The following STK3 variants were observed in gnomAD, a reference collection of about 807,000 sequenced individuals.
The protein encoded by STK3 is serine/threonine-protein kinase 3.
Under a neutral mutation model 58.0 loss-of-function variants are expected in STK3, and 41 were observed. The observed-to-expected ratio is 0.71, with a 90% CI of 0.55 to 0.92. The LOEUF is 0.92. Among genes scored for constraint, STK3 ranks in the 40% least tolerant of loss-of-function variants. STK3 has a pLI of 0.00. For synonymous variants in STK3, 170 were observed against 191.0 expected, an observed-to-expected ratio of 0.89 and a Z score of 0.91; for missense variants, 479 against 602.7, an observed-to-expected ratio of 0.79 and a Z score of 2.15.
intron 6 of STK3, among the ~76,000 whole-genome samples, chr8:98,621,148 G>C (rs1408696436): frequency 6.6e-6 from 1 of 152,090 alleles, no homozygotes; most frequent in Admixed American, 6.5e-5. Context: ...CACCGTTTTA[G>C]CCGGGATGGT....
At chr8:98,895,148 G>A (rs998760104) in intron 1 of STK3, among the ~76,000 whole-genome samples, 1 of 151,600 alleles carries the variant, frequency 6.6e-6, no homozygotes, top group Non-Finnish European at 1.5e-5. Context: ...CCCTGTGCCA[G>A]GTAAAGGGCC....
intron 1 of STK3, chr8:98,905,200 C>T (rs1266910263): frequency 2.0e-6 from 2 of 990,692 alleles, no homozygotes; most frequent in African/African-American, 1.6e-5. Flanking sequence ...TCTCCCATTC[C>T]AGGGGCAGTC....
At chr8:98,429,426 G>T (rs1818296500) in intron 3 of STK3, 3 of 1,565,926 alleles carry the variant, frequency 1.9e-6, no homozygotes, top group South Asian at 1.1e-5. Context: ...GGGAGGACTT[G>T]TCACCCTCCA....
At chr8:98,848,998 A>C (rs998923329) in intron 3 of STK3, among the ~76,000 whole-genome samples, 5 of 152,096 alleles carry the variant, frequency 3.3e-5, no homozygotes, top group African/African-American at 9.7e-5. Flanking sequence ...AGGCCGAGAC[A>C]GGCAGATCAC....
Position 98,908,908 on chromosome 8 carries a change from C to T in STK3, c.-78-25074G>A, listed in dbSNP as rs77290452. Among the ~76,000 whole-genome samples, 18 of 149,588 alleles carry T rather than the reference C, an allele frequency of 1.2e-4. No individual in the cohort carries two copies. In the East Asian group the frequency reaches 3.3e-3, roughly 28 times the overall value. ...AGGTGGCTCATGTCTGTAATCCCAGCACTTTGGGAGGCCGAAGTGGGCAGA... is the reference window on the plus strand; with the variant it reads ...AGGTGGCTCATGTCTGTAATCCCAGTACTTTGGGAGGCCGAAGTGGGCAGA... On this transcript the variant is annotated intron_variant, in intron 1 of 1. Coordinates refer to the STK3 transcript ENST00000519420.
At chr8:98,656,125 C>T (rs1272686457) in intron 6 of STK3, among the ~76,000 whole-genome samples, 69 of 152,218 alleles carry the variant, frequency 4.5e-4, no homozygotes, top group Non-Finnish European at 2.9e-4. Flanking sequence ...GAAAATGTGG[C>T]ACATATACAC....
At chr8:98,678,590 A>G (rs559724738) in intron 6 of STK3, among the ~76,000 whole-genome samples, 36 of 152,288 alleles carry the variant, frequency 2.4e-4, no homozygotes, top group Admixed American at 2.1e-3. Flanking sequence ...CAATTTTTAA[A>G]GTATTTTAAG....
chr8:98,890,780 G>A (rs1564085206), intron 1 of STK3, among the ~76,000 whole-genome samples: 1 of 152,134 alleles, frequency 6.6e-6, no homozygotes, highest in African/African-American at 2.4e-5. Context: ...AACCCTTTAG[G>A]AGTTTAGGCC....
intron 1 of STK3, among the ~76,000 whole-genome samples, chr8:98,924,351 C>T (rs1414137229): frequency 6.6e-6 from 1 of 152,176 alleles, no homozygotes; most frequent in East Asian, 1.9e-4. Flanking sequence ...TATATAAAGG[C>T]TTTATGTACA....
intron 9 of STK3, among the ~76,000 whole-genome samples, chr8:98,539,907 C>T (rs769888657): frequency 1.3e-5 from 2 of 152,178 alleles, no homozygotes; most frequent in African/African-American, 4.8e-5. Flanking sequence ...GTGCATGCCA[C>T]CATGCCCAGC....
intron 3 of STK3, among the ~76,000 whole-genome samples, chr8:98,865,805 CA>C (rs1442508164): frequency 2.0e-5 from 3 of 152,244 alleles, no homozygotes; most frequent in African/African-American, 7.2e-5. Context: ...CGTTGCAACA[CA>C]GTGGAGTATC....
intron 3 of STK3, among the ~76,000 whole-genome samples, chr8:98,855,656 A>G (rs1403651537): frequency 2.0e-5 from 3 of 152,196 alleles, no homozygotes; most frequent in African/African-American, 7.2e-5. Context: ...AAAAATAGAT[A>G]TATTAGACAT....
chr8:98,685,326 C>A (rs921937217), intron 6 of STK3, among the ~76,000 whole-genome samples: 3 of 152,188 alleles, frequency 2.0e-5, no homozygotes, highest in African/African-American at 4.8e-5. Context: ...ATCATGTGTA[C>A]AGAGCACTTG....
chr8:98,707,631 T>G (rs1319028189), intron 4 of STK3, among the ~76,000 whole-genome samples: 1 of 151,994 alleles, frequency 6.6e-6, no homozygotes, highest in African/African-American at 2.4e-5. Context: ...TCTTGAACTC[T>G]TTGCTTCAAA....
At chr8:98,362,275 G>C in the STK3 span, among the ~76,000 whole-genome samples, 3 of 152,144 alleles carry the variant, frequency 2.0e-5, no homozygotes, top group African/African-American at 7.2e-5. Context: ...ATCTTTACTG[G>C]AGCAAGCACT....
In STK3 at chr8:98,443,592, A is replaced by C. The variant is rs925856551; in HGVS notation, n.186-6384T>G. Among the ~76,000 whole-genome samples, 4 of 152,336 alleles carry C rather than the reference A, an allele frequency of 2.6e-5. No homozygotes were observed. In the South Asian group the frequency reaches 6.2e-4, roughly 24 times the overall value. Reference sequence around the variant, plus strand: ...GCTGGGCATGGTGGCTCATGCCTCTATTCCCAGCACTTTGGGAGGCCAAGA... The same window carrying C: ...GCTGGGCATGGTGGCTCATGCCTCTCTTCCCAGCACTTTGGGAGGCCAAGA... On this transcript the variant is annotated intron_variant and non_coding_transcript_variant, in intron 1 of 3. Transcript: ENST00000517832.
chr8:98,409,466 C>T (rs1036001131), intron 3 of STK3, among the ~76,000 whole-genome samples: 5 of 152,194 alleles, frequency 3.3e-5, no homozygotes, highest in Admixed American at 6.5e-5. Flanking sequence ...GCAACTCTGC[C>T]ATCGACATCT....
At chr8:98,545,895 T>C (rs1438230192) in intron 9 of STK3, among the ~76,000 whole-genome samples, 1 of 152,120 alleles carries the variant, frequency 6.6e-6, no homozygotes, top group Non-Finnish European at 1.5e-5. Flanking sequence ...AATTATATGG[T>C]TTCAGAAAAA....
At chr8:98,917,768 C>A (rs73279723) in intron 1 of STK3, among the ~76,000 whole-genome samples, 1 of 152,066 alleles carries the variant, frequency 6.6e-6, no homozygotes, top group Non-Finnish European at 1.5e-5. Flanking sequence ...TGGAAGAAAC[C>A]GCTCCTATTT....
Sources: allele counts gnomAD v4.1 joint callset (sites outside exome capture counted in the v4.1 genomes callset), GRCh38; gene constraint gnomAD v4.1.1; transcripts MANE v1.5; gene names NCBI Gene and HGNC (gene_info 2026-07-23, HGNC 2026-07-21).